UBE4B: variants seen among roughly 807,000 people sequenced by gnomAD.
The protein encoded by UBE4B is ubiquitin conjugation factor E4 B.
A neutral mutation model predicts 148.1 loss-of-function variants in UBE4B; 27 were observed. The ratio of observed to expected loss-of-function variants is 0.18; its 90% confidence interval spans 0.13 to 0.25. The LOEUF (loss-of-function observed/expected upper bound fraction) is 0.25, where lower values mean the gene tolerates loss of function less well. UBE4B is among the 10% of genes least tolerant of loss of function. The pLI is 1.00. For synonymous variants in UBE4B, 596 were observed against 619.3 expected, an observed-to-expected ratio of 0.96 and a Z score of 0.56; for missense variants, 1,170 against 1,662.4, an observed-to-expected ratio of 0.70 and a Z score of 5.15.
At chr1:10,089,134 G>C (rs975200650) in intron 2 of UBE4B, among the ~76,000 whole-genome samples, 1 of 152,144 alleles carries the variant, frequency 6.6e-6, no homozygotes, top group Non-Finnish European at 1.5e-5. Context: ...AGCCTCCCTA[G>C]TAGCTGAAAC....
chr1:10,172,287 C>A (rs1646350813), intron 25 of UBE4B, among the ~76,000 whole-genome samples: 1 of 152,204 alleles, frequency 6.6e-6, no homozygotes, highest in South Asian at 2.1e-4. Flanking sequence ...TTTTCAACGT[C>A]CTCACAGCTA....
intron 7 of UBE4B, among the ~76,000 whole-genome samples, chr1:10,113,053 T>C (rs986916241): frequency 2.6e-5 from 4 of 152,144 alleles, no homozygotes; most frequent in Non-Finnish European, 5.9e-5. Context: ...GGGTAATTTA[T>C]AATGAAAAGA....
chr1:10,092,715 C>A (rs967436709), intron 2 of UBE4B, among the ~76,000 whole-genome samples: 13 of 152,002 alleles, frequency 8.6e-5, no homozygotes, highest in Non-Finnish European at 1.5e-5. Flanking sequence ...GTAATCCTAG[C>A]TACTCGGGAG....
intron 14 of UBE4B, among the ~76,000 whole-genome samples, chr1:10,131,962 A>C (rs1242700705): frequency 6.6e-6 from 1 of 151,442 alleles, no homozygotes; most frequent in Non-Finnish European, 1.5e-5. Context: ...CAAAAAAAAA[A>C]ACAACAAAAA....
chr1:10,158,266 A>G, intron 21 of UBE4B, 90 bp from the exon 22 acceptor site: 2 of 1,484,706 alleles, frequency 1.3e-6, no homozygotes. Context: ...TTGCAGGTTT[A>G]CATTCACTCA....
At chr1:10,079,920 T>C (rs1644648643) in intron 2 of UBE4B, among the ~76,000 whole-genome samples, 1 of 152,174 alleles carries the variant, frequency 6.6e-6, no homozygotes, top group Non-Finnish European at 1.5e-5. Context: ...TGTTGGGCAC[T>C]GTATTGAGAG....
At chr1:10,037,369 T>C (rs1643581522) in intron 1 of UBE4B, among the ~76,000 whole-genome samples, 1 of 152,094 alleles carries the variant, frequency 6.6e-6, no homozygotes, top group South Asian at 2.1e-4. Flanking sequence ...CACTGTTGTT[T>C]GTTATTTATA....
chr1:10,122,015 C>T lies in UBE4B; in HGVS notation c.1493C>T (p.Pro498Leu). The T allele has an allele frequency of 1.9e-6, 3 of 1,613,688 alleles. No homozygotes were observed. Among genetic ancestry groups the T allele is most frequent in the Non-Finnish European group, 2.5e-6 (3 of 1,179,868 alleles). ...LVPYMLCRNLPYGFIQELVRT... is the reference protein window; with the variant it reads ...LVPYMLCRNLLYGFIQELVRT... ...CCGTATATGCTGTGTAGGAATCTCC[C>T]ATATGGCTTCATTCAGGAACTGGTG... Residue 498 changes from proline (P) to leucine (L), a missense_variant, in exon 10 of 28, where the codon CCA (proline) becomes CTA (leucine). By Grantham distance (98) the Pro-to-Leu change is moderately conservative. Coordinates refer to ENST00000343090, the MANE Select transcript of UBE4B (RefSeq NM_001105562.3).
intron 2 of UBE4B, among the ~76,000 whole-genome samples, chr1:10,081,006 T>C (rs2101847584): frequency 6.6e-6 from 1 of 152,354 alleles, no homozygotes; most frequent in South Asian, 2.1e-4. Context: ...GGATGTTGAC[T>C]GTCATAAATA....
At position 10,132,600 on chromosome 1, in the gene UBE4B, A is replaced by T. The variant is rs1158715886; in HGVS notation, c.2025+118A>T. The T allele has an allele frequency of 5.3e-6, 4 of 751,032 alleles. 1 individual carries two copies. The highest frequency in any genetic ancestry group is 3.6e-5 in the South Asian group (2 of 55,846). The allele number at this position is 751,032 out of a possible 1,614,324, so 46.5% of individuals were successfully genotyped here. A position where few individuals can be genotyped will look rare whatever the true frequency, so the allele number is the denominator to read the frequency against. ...GGGGGTACAGTATTGAACAAGGTAG[A>T]CGAGCTTCCTGCTTTTGTGGAGCCC... On this transcript the variant is annotated intron_variant, in intron 15 of 27. Transcript: ENST00000343090.
At chr1:10,132,237 C>T in intron 14 of UBE4B, 132 bp from the exon 15 acceptor site, 1 of 634,896 alleles carries the variant, frequency 1.6e-6, no homozygotes, top group Non-Finnish European at 2.7e-6. Flanking sequence ...TTCTTTCACT[C>T]AGGCTCTTCT....
intron 19 of UBE4B, among the ~76,000 whole-genome samples, chr1:10,148,303 TC>T (rs1645911177): frequency 6.6e-6 from 1 of 152,144 alleles, no homozygotes; most frequent in South Asian, 2.1e-4. Context: ...CCTTTTTATT[TC>T]CTTCCCATTT....
intron 7 of UBE4B, among the ~76,000 whole-genome samples, chr1:10,111,044 GACACACACACACACACACACAC>G (rs55936075): frequency 3.3e-4 from 38 of 113,442 alleles, no homozygotes; most frequent in East Asian, 9.9e-4. Flanking sequence ...CTCTGTCTCT[GACACACACACACACACACACAC>G]ACACACACAC....
At chr1:10,119,649 C>T (rs1458980072) in intron 9 of UBE4B, 36 bp downstream of exon 9, 2 of 1,588,626 alleles carry the variant, frequency 1.3e-6, no homozygotes, top group African/African-American at 1.3e-5. Context: ...CATTAGCAGG[C>T]AGAGAGCCCT....
At chr1:10,099,096 G>A (rs1459042528) in intron 3 of UBE4B, among the ~76,000 whole-genome samples, 2 of 152,038 alleles carry the variant, frequency 1.3e-5, no homozygotes, top group Non-Finnish European at 1.5e-5. Context: ...AAAAAAATTA[G>A]CCGGGCATGG....
chr1:10,117,011 C>T (rs1645321695), intron 7 of UBE4B, among the ~76,000 whole-genome samples: 2 of 152,294 alleles, frequency 1.3e-5, no homozygotes, highest in South Asian at 4.1e-4. Context: ...TAGATGAGGG[C>T]TTTTGAGATC....
intron 1 of UBE4B, among the ~76,000 whole-genome samples, chr1:10,041,364 C>T (rs533855463): frequency 1.2e-3 from 164 of 135,868 alleles, no homozygotes; most frequent in Non-Finnish European, 1.7e-3. Flanking sequence ...GATGGAGTTT[C>T]GCTCTCGTCA....
chr1:10,103,237 A>ACTT, intron 5 of UBE4B, 145 bp downstream of exon 5: 1 of 742,030 alleles, frequency 1.3e-6, no homozygotes, highest in Non-Finnish European at 2.1e-6. Context: ...ATGAGGACAC[A>ACTT]ATTGTTTAGC....
At chr1:10,070,082 C>G (rs1017726065) in intron 1 of UBE4B, among the ~76,000 whole-genome samples, 7 of 151,866 alleles carry the variant, frequency 4.6e-5, no homozygotes, top group African/African-American at 7.3e-5. Context: ...TGAGACCAGC[C>G]TGGGCAACAT....
Sources: allele counts gnomAD v4.1 joint callset (sites outside exome capture counted in the v4.1 genomes callset), GRCh38; gene constraint gnomAD v4.1.1; transcripts MANE v1.5; gene names NCBI Gene and HGNC (gene_info 2026-07-23, HGNC 2026-07-21).